The following CAAP1 variants were observed in gnomAD, a reference collection of about 807,000 sequenced individuals.
The protein encoded by CAAP1 is conserved anti-apoptotic protein.
A neutral mutation model predicts 34.0 loss-of-function variants in CAAP1; 20 were observed. The ratio of observed to expected loss-of-function variants is 0.59; its 90% CI spans 0.41 to 0.86. The LOEUF (loss-of-function observed/expected upper bound fraction) is 0.86, where lower values mean the gene tolerates loss of function less well. CAAP1 is among the 40% of genes least tolerant of loss of function. CAAP1 has a pLI of 0.00. For missense variants in CAAP1, 538 were observed against 450.5 expected (o/e 1.19, Z -1.76); for synonymous variants, 213 against 166.7 (o/e 1.28, Z -2.14).
chr9:26,875,875 G>A (rs188292325), intron 4 of CAAP1, among the ~76,000 whole-genome samples: 7 of 152,072 alleles, frequency 4.6e-5, no homozygotes, highest in Non-Finnish European at 8.8e-5. Flanking sequence ...TTAAAACATC[G>A]CTTAGGTCAT....
intron 5 of CAAP1, among the ~76,000 whole-genome samples, chr9:26,853,296 A>G (rs1379378624): frequency 3.3e-5 from 5 of 152,162 alleles, no homozygotes; most frequent in Admixed American, 2.0e-4. Flanking sequence ...GGATGGTAGA[A>G]GCAGCAAGGT....
intron 5 of CAAP1, among the ~76,000 whole-genome samples, chr9:26,857,406 T>C (rs1822896496): frequency 6.6e-6 from 1 of 152,154 alleles, no homozygotes; most frequent in Non-Finnish European, 1.5e-5. Flanking sequence ...CCAAGGTGGG[T>C]GGATCACCTG....
At chr9:26,854,614 A>G (rs1822825999) in intron 5 of CAAP1, among the ~76,000 whole-genome samples, 2 of 152,184 alleles carry the variant, frequency 1.3e-5, no homozygotes. Flanking sequence ...AGAGAACAAA[A>G]AGACAAGTTA....
intron 4 of CAAP1, among the ~76,000 whole-genome samples, chr9:26,867,565 A>C (rs7852568): frequency 0.022 from 3,368 of 152,204 alleles, 125 homozygotes; most frequent in African/African-American, 0.077. Flanking sequence ...ATGGGGAAAA[A>C]TTACATCTGT....
intron 5 of CAAP1, among the ~76,000 whole-genome samples, chr9:26,856,895 C>T (rs957793384): frequency 6.6e-6 from 1 of 152,106 alleles, no homozygotes; most frequent in African/African-American, 2.4e-5. Flanking sequence ...AATACAAAAA[C>T]CATAAGAACT....
In CAAP1 at chr9:26,852,625, T is replaced by C. The variant is rs776652150; in HGVS notation, c.739+8441A>G. On this transcript the variant is annotated intron_variant, in intron 5 of 5. Transcript: ENST00000333916. ...AAGTTTAGATTTCAGATTTGACATATTGGAACACATGTATTAAAACCTGCA... is the reference window on the plus strand; with the variant it reads ...AAGTTTAGATTTCAGATTTGACATACTGGAACACATGTATTAAAACCTGCA... Among the ~76,000 whole-genome samples the C allele has an allele frequency of 1.2e-4, 18 of 152,260 alleles. 1 individual carries two copies. Among genetic ancestry groups the C allele is most frequent in the Admixed American group, 3.9e-4 (6 of 15,288 alleles).
At chr9:26,870,587 CGTGT>C (rs10598264) in intron 4 of CAAP1, among the ~76,000 whole-genome samples, 25,980 of 134,920 alleles carry the variant, frequency 0.19, 3,136 homozygotes, top group East Asian at 0.69. Context: ...CACATATATA[CGTGT>C]GTGTGTGTGT....
intron 4 of CAAP1, among the ~76,000 whole-genome samples, chr9:26,874,082 C>T (rs1823356132): frequency 6.6e-6 from 1 of 151,660 alleles, no homozygotes; most frequent in Non-Finnish European, 1.5e-5. Context: ...TGGCAGGCAC[C>T]TGTGGTCCCA....
chr9:26,862,134 C>T (rs1417504201), intron 4 of CAAP1, among the ~76,000 whole-genome samples: 1 of 152,090 alleles, frequency 6.6e-6, no homozygotes, highest in Non-Finnish European at 1.5e-5. Flanking sequence ...TCCAAAGTCA[C>T]CTACTCAGAT....
intron 4 of CAAP1, among the ~76,000 whole-genome samples, chr9:26,862,399 T>C (rs1405763178): frequency 2.0e-5 from 3 of 150,286 alleles, no homozygotes; most frequent in South Asian, 2.1e-4. Flanking sequence ...CTTCTAAACA[T>C]ACACATCTAA....
intron 4 of CAAP1, among the ~76,000 whole-genome samples, chr9:26,882,699 G>A (rs930077928): frequency 1.1e-4 from 17 of 152,114 alleles, no homozygotes; most frequent in Non-Finnish European, 1.5e-5. Flanking sequence ...TATATTCACT[G>A]ACAACTTGCA....
intron 4 of CAAP1, among the ~76,000 whole-genome samples, chr9:26,881,838 G>T (rs115703900): frequency 0.021 from 3,128 of 152,278 alleles, 102 homozygotes; most frequent in African/African-American, 0.071. Context: ...CTAGAAACTT[G>T]TTAAATGGCT....
chr9:26,876,510 C>G (rs1416171292), intron 4 of CAAP1, among the ~76,000 whole-genome samples: 1 of 116,786 alleles, frequency 8.6e-6, no homozygotes, highest in Non-Finnish European at 1.7e-5. Context: ...TTAAAACTTT[C>G]TATATAAATG....
Position 26,868,371 on chromosome 9 carries a change from T to C in CAAP1, c.666-7232A>G, listed in dbSNP as rs145180849. On this transcript the variant is annotated intron_variant, in intron 4 of 5. Coordinates refer to ENST00000333916, the MANE Select transcript of CAAP1 (RefSeq NM_024828.4). ...ATATCACCCTGGAAGCAGAGAATGATGTGATATGCTCTGAAGATGAAGGAA... is the reference window on the plus strand; with the variant it reads ...ATATCACCCTGGAAGCAGAGAATGACGTGATATGCTCTGAAGATGAAGGAA... 8.1e-4 allele frequency among the ~76,000 whole-genome samples: 123 copies of C among 152,250 alleles called. 3 individuals carry two copies. The East Asian group carries it at 0.02, about 25-fold the overall frequency.
intron 4 of CAAP1, among the ~76,000 whole-genome samples, chr9:26,880,878 G>A (rs1338952805): frequency 1.3e-5 from 2 of 152,084 alleles, no homozygotes; most frequent in Non-Finnish European, 2.9e-5. Flanking sequence ...GTTTCATCAT[G>A]TTGGCCACGC....
At chr9:26,844,993 T>C (rs1211759571) in intron 5 of CAAP1, among the ~76,000 whole-genome samples, 1 of 152,250 alleles carries the variant, frequency 6.6e-6, no homozygotes, top group Non-Finnish European at 1.5e-5. Flanking sequence ...CTATCTACTT[T>C]CTTGCTTTCT....
intron 5 of CAAP1, among the ~76,000 whole-genome samples, chr9:26,849,099 G>A (rs1822683716): frequency 6.6e-6 from 1 of 152,146 alleles, no homozygotes; most frequent in Non-Finnish European, 1.5e-5. Context: ...AGGAAAACAA[G>A]AGAAATAGTG....
At chr9:26,867,232 GA>G (rs1480259945) in intron 4 of CAAP1, among the ~76,000 whole-genome samples, 1 of 152,092 alleles carries the variant, frequency 6.6e-6, no homozygotes, top group Non-Finnish European at 1.5e-5. Flanking sequence ...CTGCTCTATA[GA>G]AGACACTGTT....
intron 4 of CAAP1, among the ~76,000 whole-genome samples, chr9:26,864,140 G>A (rs1247831145): frequency 1.3e-5 from 2 of 152,172 alleles, no homozygotes; most frequent in East Asian, 3.9e-4. Context: ...GCTTGGCATT[G>A]AATCACAAGA....
Sources: gnomAD v4.1 joint callset for allele counts (sites outside exome capture counted in the v4.1 genomes callset) on GRCh38, gnomAD v4.1.1 for gene constraint, MANE v1.5 for transcripts, NCBI Gene and HGNC (gene_info 2026-07-23, HGNC 2026-07-21) for gene names.